The following WIPF1 variants were observed in gnomAD, a reference collection of about 807,000 sequenced individuals.
WIPF1 encodes WAS/WASL-interacting protein family member 1.
Under a neutral mutation model 35.4 loss-of-function variants are expected in WIPF1, and 13 were observed. The ratio of observed to expected loss-of-function variants is 0.37; its 90% CI spans 0.24 to 0.58. The LOEUF is 0.58. Ranked by LOEUF, WIPF1 falls within the 20% of genes least tolerant of loss-of-function variation. WIPF1 has a pLI of 0.74. For missense variants in WIPF1, 591 were observed against 667.0 expected, an observed-to-expected ratio of 0.89 and a Z score of 1.25; for synonymous variants, 267 against 266.3, an observed-to-expected ratio of 1.00 and a Z score of -0.02.
At chr2:174,631,341 G>A (rs530045961) in intron 1 of WIPF1, among the ~76,000 whole-genome samples, 330 of 152,228 alleles carry the variant, frequency 2.2e-3, no homozygotes, top group African/African-American at 7.6e-3. Flanking sequence ...AGGACATTAC[G>A]CTAAGTGAAA....
At chr2:174,605,651 T>C (rs1335426119) in intron 1 of WIPF1, among the ~76,000 whole-genome samples, 1 of 152,156 alleles carries the variant, frequency 6.6e-6, no homozygotes, top group Non-Finnish European at 1.5e-5. Flanking sequence ...TACTGAAATA[T>C]TTGTGGATGA....
At chr2:174,573,870 T>G (rs1451350804) in intron 4 of WIPF1, among the ~76,000 whole-genome samples, 1 of 151,990 alleles carries the variant, frequency 6.6e-6, no homozygotes, top group Non-Finnish European at 1.5e-5. Flanking sequence ...TATCATGAAC[T>G]TAAGAGAGAA....
chr2:174,679,093 A>T (rs1422109931), intron 1 of WIPF1, among the ~76,000 whole-genome samples: 2 of 152,202 alleles, frequency 1.3e-5, no homozygotes, highest in African/African-American at 4.8e-5. Flanking sequence ...GTCCCAGCCA[A>T]TCTGCTAAGT....
chr2:174,681,554 G>A (rs1329089671), intron 1 of WIPF1, among the ~76,000 whole-genome samples: 1 of 152,198 alleles, frequency 6.6e-6, no homozygotes, highest in Admixed American at 6.5e-5. Flanking sequence ...TCAAAATGAA[G>A]CTACAGTATT....
chr2:174,611,394 A>C (rs922074873), intron 1 of WIPF1, among the ~76,000 whole-genome samples: 2 of 152,232 alleles, frequency 1.3e-5, no homozygotes, highest in East Asian at 3.8e-4. Flanking sequence ...CAAACAAAAA[A>C]ACTTGATGAT....
intron 1 of WIPF1, among the ~76,000 whole-genome samples, chr2:174,670,487 A>G (rs1687991228): frequency 6.6e-6 from 1 of 152,250 alleles, no homozygotes; most frequent in African/African-American, 2.4e-5. Context: ...CTTCCCAGGT[A>G]GACAAGTTGG....
At position 174,572,030 on chromosome 2, in the gene WIPF1, C is replaced by T. The variant is rs1318436983; in HGVS notation, c.775G>A (p.Ala259Thr). 3 of 1,548,224 alleles carry T rather than the reference C, an allele frequency of 1.9e-6. No individual in the cohort carries two copies. The South Asian group carries it at 3.8e-5, about 20-fold the overall frequency. Residue 259 changes from alanine to threonine, a missense_variant, in exon 5 of 8, where the codon GCC becomes ACC. Physicochemically the swap from Ala to Thr is moderately conservative, Grantham distance 58. Transcript: ENST00000679041. ...GGTGGAGGGGGTTTGTCATCCAAGG[C>T]CCTGCTGGGGGTAGGCGGCAGGGGA... The part of the protein sequence containing the change: ...RPPLPPTPSR[A>T]LDDKPPPPPP...
chr2:174,563,559 C>T (rs775482141), intron 7 of WIPF1, among the ~76,000 whole-genome samples: 2 of 152,204 alleles, frequency 1.3e-5, no homozygotes, highest in South Asian at 4.1e-4. Context: ...CAGAGTGAGA[C>T]CCTGTCTCAA....
At position 174,593,750 on chromosome 2, in the gene WIPF1, C is replaced by T. The variant is rs976259409; in HGVS notation, c.-39+3851G>A. On this transcript the variant is annotated intron_variant, in intron 1 of 7. Coordinates refer to ENST00000679041, the MANE Select transcript of WIPF1 (RefSeq NM_001375834.1). ...GTTGCCTGGAGTTTCTATTTTATGA[C>T]GCGAGTCACTGCAACAGCTCTACCA... 9.2e-5 allele frequency among the ~76,000 whole-genome samples: 14 copies of T among 152,180 alleles called. 1 individual carries two copies. Among genetic ancestry groups the T allele is most frequent in the South Asian group, 4.1e-4 (2 of 4,834 alleles).
intron 1 of WIPF1, among the ~76,000 whole-genome samples, chr2:174,609,707 G>C (rs551252568): frequency 6.6e-6 from 1 of 152,334 alleles, no homozygotes; most frequent in Non-Finnish European, 1.5e-5. Context: ...GAGGGCATTA[G>C]AAAATACTGT....
chr2:174,607,169 T>C (rs1361471352), intron 1 of WIPF1, among the ~76,000 whole-genome samples: 2 of 152,058 alleles, frequency 1.3e-5, no homozygotes, highest in Non-Finnish European at 2.9e-5. Flanking sequence ...TTTGGGAGGC[T>C]GAGGCAGGCG....
chr2:174,635,538 T>G (rs7580280), intron 1 of WIPF1, among the ~76,000 whole-genome samples: 63,103 of 142,780 alleles, frequency 0.44, 14,333 homozygotes, highest in Non-Finnish European at 0.48. Context: ...TGTTTTTTTT[T>G]TTTTTTTTTT....
chr2:174,609,234 G>A (rs1327502994), intron 1 of WIPF1, among the ~76,000 whole-genome samples: 1 of 152,182 alleles, frequency 6.6e-6, no homozygotes, highest in Non-Finnish European at 1.5e-5. Context: ...TATTGATGTG[G>A]TTGAAAAAAC....
chr2:174,595,109 A>AAAAAAAAAAAAAAATAT (rs1553529785), intron 1 of WIPF1, among the ~76,000 whole-genome samples: 2 of 57,736 alleles, frequency 3.5e-5, no homozygotes, highest in Non-Finnish European at 5.6e-5. Context: ...AAAAAAAAAA[A>AAAAAAAAAAAAAAATAT]ATATATATAT....
chr2:174,599,605 C>T (rs115273138), upstream of WIPF1, among the ~76,000 whole-genome samples: 1,644 of 152,228 alleles, frequency 0.011, 28 homozygotes, highest in African/African-American at 0.037. Context: ...CCACTTCCCG[C>T]GATACAAACC....
intron 1 of WIPF1, among the ~76,000 whole-genome samples, chr2:174,672,771 G>A (rs1188457806): frequency 2.6e-5 from 4 of 152,154 alleles, no homozygotes; most frequent in African/African-American, 9.7e-5. Context: ...CTCTACTTCT[G>A]CACAGTGTTG....
chr2:174,617,121 T>C (rs538177272), intron 1 of WIPF1, among the ~76,000 whole-genome samples: 2 of 152,348 alleles, frequency 1.3e-5, no homozygotes, highest in South Asian at 4.1e-4. Flanking sequence ...TAAAATGTTT[T>C]AAGTGATGCT....
At position 174,590,218 on chromosome 2, in the gene WIPF1, C is replaced by G. The variant is rs781709853; in HGVS notation, c.-38-4607G>C. On this transcript the variant is annotated intron_variant, in intron 1 of 7. Coordinates refer to ENST00000679041, the MANE Select transcript of WIPF1 (RefSeq NM_001375834.1). This position sits in a 1 kb window ranked among gnomAD's most constrained non-coding sequence, Gnocchi z 4.6. ...TCCTTGCTCTGCCACCTGGCAGATT[C>G]AGATGGGAATTTGTTTTTCCCATCT... Among the ~76,000 whole-genome samples the G allele has an allele frequency of 2.0e-5, 3 of 152,180 alleles. No individual in the cohort carries two copies. The highest frequency in any genetic ancestry group is 2.9e-5 in the Non-Finnish European group (2 of 68,044).
intron 1 of WIPF1, among the ~76,000 whole-genome samples, chr2:174,606,313 C>A (rs1362981566): frequency 7.2e-5 from 11 of 152,174 alleles, no homozygotes; most frequent in South Asian, 4.1e-4. Context: ...ATCAAAAAAA[C>A]CAATGAAAAT....
Sources: gnomAD v4.1 joint callset for allele counts (sites outside exome capture counted in the v4.1 genomes callset) on GRCh38, gnomAD v4.1.1 for gene constraint, Gnocchi (gnomAD v3.1) non-coding constraint, MANE v1.5 for transcripts, NCBI Gene and HGNC (gene_info 2026-07-23, HGNC 2026-07-21) for gene names.